The following TUBA3E variants were observed in gnomAD, a reference collection of about 807,000 sequenced individuals.
TUBA3E encodes tubulin alpha 3e.
Under a neutral mutation model 36.7 loss-of-function variants are expected in TUBA3E, and 21 were observed. That is an observed-to-expected ratio of 0.57 (90% confidence interval 0.41 to 0.83). The LOEUF is 0.83. TUBA3E is among the 40% of genes least tolerant of loss of function. The pLI is 0.00. For synonymous variants in TUBA3E, 177 were observed against 241.9 expected (o/e 0.73, Z 2.49); for missense variants, 469 against 604.2 (o/e 0.78, Z 2.35).
chr2:130,197,765 C>T lies in TUBA3E; in HGVS notation c.3+593G>A, dbSNP rs1429873134. Among the ~76,000 whole-genome samples the T allele has an allele frequency of 5.7e-5, 7 of 122,930 alleles. 1 individual carries two copies. The highest frequency in any genetic ancestry group is 2.0e-4 in the African/African-American group (7 of 34,984). The allele number at this position is 122,930 out of a possible 152,430, so 80.6% of individuals were successfully genotyped here. ...GGAACCACAGACTCGCATCACCATG[C>T]CCGGGTAATTTTAGTATTTTTTTGT... On this transcript the variant is annotated intron_variant, in intron 1 of 4. Transcript: ENST00000312988.
At position 130,193,785 on chromosome 2, in the gene TUBA3E, C is replaced by T. The variant is rs372381003; in HGVS notation, c.1056+1G>A. Reference sequence around the variant, plus strand: ...AAGGCCTCCATGTCACCCAGTCATACCTTAAATCCAGTCGGGCACCAATCC... The same window carrying T: ...AAGGCCTCCATGTCACCCAGTCATATCTTAAATCCAGTCGGGCACCAATCC... On this transcript the variant is annotated splice_donor_variant, in intron 4 of 4. Coordinates refer to ENST00000312988, the MANE Select transcript of TUBA3E (RefSeq NM_207312.3). LOFTEE classifies it high-confidence loss of function. 122 of 1,602,414 alleles carry T rather than the reference C, an allele frequency of 7.6e-5. No individual in the cohort carries two copies. The highest frequency in any genetic ancestry group is 1.3e-4 in the African/African-American group (10 of 74,772).
At chr2:130,194,668 G>T (rs1690361084) in intron 3 of TUBA3E, among the ~76,000 whole-genome samples, 1 of 152,164 alleles carries the variant, frequency 6.6e-6, no homozygotes, top group Non-Finnish European at 1.5e-5. Context: ...GACTCAAGAT[G>T]CTGGTCTAAG....
In TUBA3E at chr2:130,193,776, C is replaced by T. The variant is rs1483071659; in HGVS notation, c.1056+10G>A. 1 of 1,592,944 alleles carries T rather than the reference C, an allele frequency of 6.3e-7. No homozygotes were observed. The highest frequency in any genetic ancestry group is 1.3e-5 in the African/African-American group (1 of 74,666). On this transcript the variant is annotated intron_variant, in intron 4 of 4. Coordinates refer to ENST00000312988, the MANE Select transcript of TUBA3E (RefSeq NM_207312.3). ...GCTTGCTGAAAGGCCTCCATGTCACCCAGTCATACCTTAAATCCAGTCGGG... is the reference window on the plus strand; with the variant it reads ...GCTTGCTGAAAGGCCTCCATGTCACTCAGTCATACCTTAAATCCAGTCGGG...
Position 130,191,803 on chromosome 2 carries a change from G to A in TUBA3E, c.*28C>T, listed in dbSNP as rs774859317. 11 of 1,585,982 alleles carry A rather than the reference G, an allele frequency of 6.9e-6. No homozygotes were observed. The highest frequency in any genetic ancestry group is 9.4e-6 in the Non-Finnish European group (11 of 1,166,396). On this transcript the variant is annotated 3_prime_UTR_variant, in exon 5 of 5. Transcript: ENST00000312988. ...CTTGAAAGCAGCCATCCTAGGGGTG[G>A]CAGGGGAGAACCCACCACACCCTCC... is the stretch of plus-strand genomic sequence containing the variant.
chr2:130,196,857 C>T (rs181874467), intron 1 of TUBA3E, among the ~76,000 whole-genome samples: 146 of 152,312 alleles, frequency 9.6e-4, no homozygotes, highest in African/African-American at 3.4e-3. Flanking sequence ...TCACCACCTG[C>T]TCTGTGCTCT....
At chr2:130,196,835 C>A (rs953521605) in intron 1 of TUBA3E, among the ~76,000 whole-genome samples, 1 of 152,170 alleles carries the variant, frequency 6.6e-6, no homozygotes, top group South Asian at 2.1e-4. Context: ...CCAGTTCTAC[C>A]CCGTCCATCA....
rs13393641 is a variant in TUBA3E at position 130,195,932 on chromosome 2, G to A, written c.226+217C>T. Among the ~76,000 whole-genome samples the A allele has an allele frequency of 2.7e-3, 418 of 152,364 alleles. 1 individual carries two copies. The highest frequency in any genetic ancestry group is 9.0e-3 in the African/African-American group (375 of 41,582). On this transcript the variant is annotated intron_variant, in intron 2 of 4. Coordinates refer to ENST00000312988, the MANE Select transcript of TUBA3E (RefSeq NM_207312.3). ...CACAGCCCATCTTACTGCTGGCAAAGCAGCTTTTCCCTGTAGGTCAGGTTT... is the reference window on the plus strand; with the variant it reads ...CACAGCCCATCTTACTGCTGGCAAAACAGCTTTTCCCTGTAGGTCAGGTTT...
At chr2:130,196,048 C>A in intron 2 of TUBA3E, 101 bp downstream of exon 2, 2 of 1,356,694 alleles carry the variant, frequency 1.5e-6, no homozygotes, top group Non-Finnish European at 2.0e-6. Flanking sequence ...GCCTGTCTAT[C>A]CCATCCTTTC....
chr2:130,196,973 AAGC>A (rs1337583251), intron 1 of TUBA3E, among the ~76,000 whole-genome samples: 2 of 152,162 alleles, frequency 1.3e-5, no homozygotes, highest in East Asian at 3.9e-4. Flanking sequence ...GGCTGGAGGA[AAGC>A]AGTGCCAGGG....
Position 130,195,156 on chromosome 2 carries a change from C to A in TUBA3E, c.298G>T (p.Ala100Ser). 4 of 1,613,848 alleles carry A rather than the reference C, an allele frequency of 2.5e-6. No homozygotes were observed. The highest frequency in any genetic ancestry group is 3.4e-6 in the Non-Finnish European group (4 of 1,179,900). Residue 100 changes from alanine (A) to serine (S), a missense_variant, in exon 3 of 5, where the codon GCC becomes TCC. Transcript: ENST00000312988. The part of the protein sequence containing the change: ...EQLITGKEDA[A>S]SNYARGHYTI... ...TAATGGCCCCTGGCGTAATTACTGGCTGCATCTTCCTTCCCGGTGATCAGC... is the reference window on the plus strand; with the variant it reads ...TAATGGCCCCTGGCGTAATTACTGGATGCATCTTCCTTCCCGGTGATCAGC...
rs1175913950 is a variant in TUBA3E, at chr2:130,194,040, G to A, written c.802C>T (p.Pro268Ser). ...ATGACTGGGGCGTAGGTGGCCAGGGGGAAGTGGATGCGGGGGTACGGCACG... is the reference window on the plus strand; with the variant it reads ...ATGACTGGGGCGTAGGTGGCCAGGGAGAAGTGGATGCGGGGGTACGGCACG... ...NLVPYPRIHF[P>S]LATYAPVISA... The change falls in exon 4 of 5, where the codon CCC becomes TCC. Residue 268 changes from proline (P) to serine (S), a missense_variant. Physicochemically the swap from Pro to Ser is moderately conservative, Grantham distance 74. This residue lies in a region of TUBA3E where 296 missense variants were observed against 346.9 expected (regional missense o/e 0.85). Coordinates refer to ENST00000312988, the MANE Select transcript of TUBA3E (RefSeq NM_207312.3). The A allele has an allele frequency of 1.2e-6, 2 of 1,614,192 alleles. No homozygotes were observed. The highest frequency in any genetic ancestry group is 1.7e-5 in the Admixed American group (1 of 60,018).
chr2:130,195,251 G>A, intron 2 of TUBA3E, 24 bp from the exon 3 acceptor site: 1 of 1,612,140 alleles, frequency 6.2e-7, no homozygotes, highest in South Asian at 1.1e-5. Flanking sequence ...AGTGTGTACT[G>A]TGAATTTTTA....
At chr2:130,194,955 C>T (rs3863904) in intron 3 of TUBA3E, 124 bp downstream of exon 3, 178 of 1,527,094 alleles carry the variant, frequency 1.2e-4, no homozygotes, top group South Asian at 2.4e-4. Flanking sequence ...TGGGATTACA[C>T]GTGTGAGCCA....
At chr2:130,197,258 G>A (rs1381326051) in intron 1 of TUBA3E, among the ~76,000 whole-genome samples, 1 of 152,064 alleles carries the variant, frequency 6.6e-6, no homozygotes, top group Admixed American at 6.6e-5. Flanking sequence ...GGAAGGCTGA[G>A]GTGAGAGGAT....
In TUBA3E at chr2:130,194,885, C is replaced by T. The variant is rs148897699; in HGVS notation, c.375+194G>A. Among the ~76,000 whole-genome samples, 1,062 of 152,216 alleles carry T rather than the reference C, an allele frequency of 7.0e-3. 10 individuals carry two copies. The highest frequency in any genetic ancestry group is 0.023 in the African/African-American group (968 of 41,496). On this transcript the variant is annotated intron_variant, in intron 3 of 4. Coordinates refer to ENST00000312988, the MANE Select transcript of TUBA3E (RefSeq NM_207312.3). ...TAGACATAGAGTTTCACCATGTAGG[C>T]CAGGCTGGTCTCAAACTCCTGACCT... is the stretch of plus-strand genomic sequence containing the variant.
At position 130,193,926 on chromosome 2, in the gene TUBA3E, C is replaced by G. The variant is rs1454291445; in HGVS notation, c.916G>C (p.Asp306His). The G allele has an allele frequency of 1.2e-6, 2 of 1,614,112 alleles. No homozygotes were observed. The highest frequency in any genetic ancestry group is 1.7e-6 in the Non-Finnish European group (2 of 1,180,056). The change falls in exon 4 of 5, where the codon GAC (aspartate) becomes CAC (histidine). Residue 306 changes from aspartate (D) to histidine (H), a missense_variant. Asp to His is a moderately conservative substitution (Grantham distance 81). This residue lies in a region of TUBA3E where 296 missense variants were observed against 346.9 expected (regional missense o/e 0.85). Transcript: ENST00000312988. ...GCCATGTACTTGCCATGGCGAGGGT[C>G]ACACTTGACCATCTGATTGGCTGGC... is the stretch of plus-strand genomic sequence containing the variant. ...FEPANQMVKC[D>H]PRHGKYMACC...
chr2:130,195,395 A>G (rs1398306368), intron 2 of TUBA3E, among the ~76,000 whole-genome samples, 168 bp from the exon 3 acceptor site: 1 of 152,230 alleles, frequency 6.6e-6, no homozygotes, highest in Non-Finnish European at 1.5e-5. Flanking sequence ...CTGTGTGATA[A>G]CCAAACTGCA....
intron 3 of TUBA3E, among the ~76,000 whole-genome samples, chr2:130,194,750 T>A (rs1690362373): frequency 1.3e-5 from 2 of 152,166 alleles, no homozygotes; most frequent in Admixed American, 1.3e-4. Flanking sequence ...CAATCTCAGC[T>A]CACTGCAACC....
In TUBA3E at chr2:130,194,271, T is replaced by G; in HGVS notation, c.571A>C (p.Thr191Pro). Residue 191 changes from threonine (T) to proline (P), a missense_variant, in exon 4 of 5, where the codon ACC (threonine) becomes CCC (proline). By Grantham distance (38) the Thr-to-Pro change is conservative. Coordinates refer to ENST00000312988, the MANE Select transcript of TUBA3E (RefSeq NM_207312.3). ...VVEPYNSILT[T>P]HTTLEHSDCA... ...TCAGAATGTTCCAGGGTCGTGTGGG[T>G]GGTTAGGATGGAGTTGTAGGGCTCC... 1 of 1,543,466 alleles carries G rather than the reference T, an allele frequency of 6.5e-7. No individual in the cohort carries two copies. Among genetic ancestry groups the G allele is most frequent in the Non-Finnish European group, 8.9e-7 (1 of 1,123,936 alleles).
Sources: allele counts gnomAD v4.1 joint callset (sites outside exome capture counted in the v4.1 genomes callset), GRCh38; gene constraint gnomAD v4.1.1; regional missense constraint gnomAD v4.1.1; transcripts MANE v1.5; gene names NCBI Gene and HGNC (gene_info 2026-07-23, HGNC 2026-07-21).